KCNMA1: variants seen among roughly 807,000 people sequenced by gnomAD.
KCNMA1 encodes the protein potassium calcium-activated channel subfamily M alpha 1.
A neutral mutation model predicts 140.0 loss-of-function variants in KCNMA1; 29 were observed. That is an observed-to-expected ratio of 0.21 (90% CI 0.15 to 0.28). The LOEUF (loss-of-function observed/expected upper bound fraction) is 0.28, where lower values mean the gene tolerates loss of function less well. Ranked by LOEUF, KCNMA1 falls within the 10% of genes least tolerant of loss-of-function variation. The pLI is 1.00. For missense variants in KCNMA1, 880 were observed against 1,602.2 expected, an observed-to-expected ratio of 0.55 and a Z score of 7.70; for synonymous variants, 612 against 611.9, an observed-to-expected ratio of 1.00 and a Z score of 0.00.
At chr10:77,032,631 C>A (rs563759297) in intron 15 of KCNMA1, among the ~76,000 whole-genome samples, 2 of 152,162 alleles carry the variant, frequency 1.3e-5, no homozygotes, top group South Asian at 4.1e-4. Context: ...AGCCAGCAAT[C>A]TGCAATAAAA....
intron 1 of KCNMA1, among the ~76,000 whole-genome samples, chr10:77,435,607 C>T (rs2097246244): frequency 6.6e-6 from 1 of 152,218 alleles, no homozygotes; most frequent in African/African-American, 2.4e-5. Context: ...TGCTACACCA[C>T]CTGTGGTGTG....
chr10:77,447,077 C>T (rs1378148280), intron 1 of KCNMA1, among the ~76,000 whole-genome samples: 3 of 152,202 alleles, frequency 2.0e-5, no homozygotes, highest in Non-Finnish European at 2.9e-5. Flanking sequence ...TTGCAAACAG[C>T]CCCCAGCTGT....
At chr10:77,483,697 G>T (rs190990140) in intron 1 of KCNMA1, among the ~76,000 whole-genome samples, 1 of 152,320 alleles carries the variant, frequency 6.6e-6, no homozygotes, top group East Asian at 1.9e-4. Context: ...TGGTGAGGGA[G>T]AACTGTTTGC....
At chr10:77,000,459 C>T (rs886156958) in intron 19 of KCNMA1, among the ~76,000 whole-genome samples, 3 of 152,062 alleles carry the variant, frequency 2.0e-5, no homozygotes, top group Non-Finnish European at 4.4e-5. Flanking sequence ...TAAGGGAGGT[C>T]TCAGGAAACT....
rs1054230392 is a variant in KCNMA1 at position 76,885,886 on chromosome 10, T to A, written c.*1380A>T. On this transcript the variant is annotated 3_prime_UTR_variant, in exon 28 of 28. Transcript: ENST00000286628. ...AAAAAATAACTATACCAAAATGTGT[T>A]TGGCTCACTGTTGCACTCTTCTTAT... 2.0e-6 allele frequency: 2 copies of A among 985,272 alleles called. No homozygotes were observed. Among genetic ancestry groups the A allele is most frequent in the African/African-American group, 3.5e-5 (2 of 57,250 alleles). The allele number at this position is 985,272 out of a possible 1,614,324, so 61.0% of individuals were successfully genotyped here.
chr10:76,907,819 C>A (rs1168865179), intron 25 of KCNMA1, among the ~76,000 whole-genome samples: 1 of 152,124 alleles, frequency 6.6e-6, no homozygotes, highest in Non-Finnish European at 1.5e-5. Context: ...GGGTTACAAG[C>A]GGTAGCCACC....
intron 1 of KCNMA1, among the ~76,000 whole-genome samples, chr10:77,411,623 G>C (rs2096620386): frequency 6.6e-6 from 1 of 152,164 alleles, no homozygotes; most frequent in African/African-American, 2.4e-5. Context: ...GCATGTGCAA[G>C]GATTATTGGC....
intron 2 of KCNMA1, among the ~76,000 whole-genome samples, chr10:77,395,551 C>CA (rs1178648187): frequency 6.6e-6 from 1 of 152,128 alleles, no homozygotes; most frequent in East Asian, 1.9e-4. Context: ...AAATGCTGGG[C>CA]AAAACAGAGC....
chr10:77,314,775 T>A (rs2080297936), intron 2 of KCNMA1, among the ~76,000 whole-genome samples: 1 of 152,146 alleles, frequency 6.6e-6, no homozygotes. Flanking sequence ...AAAGCCTGCA[T>A]CCACCTAGCA....
chr10:76,898,669 A>G (rs1323895530), intron 25 of KCNMA1, among the ~76,000 whole-genome samples: 3 of 151,942 alleles, frequency 2.0e-5, no homozygotes, highest in Non-Finnish European at 4.4e-5. Flanking sequence ...TCCTATAACT[A>G]CTAGGTCAAG....
chr10:77,580,252 G>A (rs1464432430), intron 1 of KCNMA1, among the ~76,000 whole-genome samples: 1 of 151,844 alleles, frequency 6.6e-6, no homozygotes, highest in African/African-American at 2.4e-5. Context: ...GTGGTGGCGG[G>A]CGCCTGTAGT....
chr10:77,124,418 T>C (rs2153964532), intron 5 of KCNMA1, among the ~76,000 whole-genome samples: 1 of 152,336 alleles, frequency 6.6e-6, no homozygotes, highest in Non-Finnish European at 1.5e-5. Flanking sequence ...ATACTCTTGC[T>C]AGACACAAAC....
At chr10:77,433,836 G>A (rs781178277) in intron 1 of KCNMA1, 1 of 152,148 alleles carries the variant, frequency 6.6e-6, no homozygotes, top group African/African-American at 2.4e-5. Flanking sequence ...ATCCTTCCTG[G>A]CTGATCGATT....
chr10:76,962,606 C>T (rs16934082), intron 20 of KCNMA1, among the ~76,000 whole-genome samples: 2,398 of 152,290 alleles, frequency 0.016, 67 homozygotes, highest in African/African-American at 0.055. Context: ...AAGCCATCAT[C>T]CTGAACAGCC....
intron 3 of KCNMA1, among the ~76,000 whole-genome samples, chr10:77,245,795 C>A (rs1565465357): frequency 2.0e-5 from 3 of 151,968 alleles, no homozygotes; most frequent in East Asian, 1.9e-4. Context: ...GGAAAGACAC[C>A]CCTAGGTGGT....
At chr10:77,332,588 TGC>T (rs2154367091) in intron 2 of KCNMA1, among the ~76,000 whole-genome samples, 1 of 33,172 alleles carries the variant, frequency 3.0e-5, no homozygotes, top group Admixed American at 3.7e-4. Flanking sequence ...TGGACAGCCC[TGC>T]CATCTGCTTC....
At chr10:77,618,659 C>G (rs2154569222) in intron 1 of KCNMA1, among the ~76,000 whole-genome samples, 1 of 152,316 alleles carries the variant, frequency 6.6e-6, no homozygotes, top group East Asian at 1.9e-4. Context: ...TGCCTGGGAT[C>G]TACCCAGAAA....
At chr10:77,467,270 C>A (rs1020181470) in intron 1 of KCNMA1, among the ~76,000 whole-genome samples, 4 of 152,238 alleles carry the variant, frequency 2.6e-5, no homozygotes, top group African/African-American at 7.2e-5. Flanking sequence ...TACTGCCACA[C>A]TGTTGGCAGG....
intron 2 of KCNMA1, among the ~76,000 whole-genome samples, chr10:77,287,876 A>G (rs549938611): frequency 6.6e-6 from 1 of 152,336 alleles, no homozygotes; most frequent in South Asian, 2.1e-4. Context: ...GAGCTCCACT[A>G]TTAACACACT....
Sources: allele counts gnomAD v4.1 joint callset (sites outside exome capture counted in the v4.1 genomes callset), GRCh38; gene constraint gnomAD v4.1.1; transcripts MANE v1.5; gene names NCBI Gene and HGNC (gene_info 2026-07-23, HGNC 2026-07-21).